Variants in BNC2 observed in about 807,000 individuals in gnomAD.
BNC2 encodes zinc finger protein basonuclin-2.
A neutral mutation model predicts 76.3 loss-of-function variants in BNC2; 20 were observed. The observed-to-expected ratio is 0.26, with a 90% CI of 0.18 to 0.38. The LOEUF (loss-of-function observed/expected upper bound fraction) is 0.38, where lower values mean the gene tolerates loss of function less well. Ranked by LOEUF, BNC2 falls within the 10% of genes least tolerant of loss-of-function variation. BNC2 has a pLI of 1.00. For synonymous variants in BNC2, 582 were observed against 514.8 expected (o/e 1.13, Z -1.77); for missense variants, 1,382 against 1,399.8 (o/e 0.99, Z 0.20).
Position 16,552,584 on chromosome 9 carries a change from T to C in BNC2, c.615A>G (p.Ile205Met), listed in dbSNP as rs1818698002. Residue 205 changes from isoleucine to methionine, a missense_variant, in exon 5 of 7, where the codon ATA becomes ATG. Ile to Met is a conservative substitution (Grantham distance 10, BLOSUM62 1). Coordinates refer to ENST00000380672, the MANE Select transcript of BNC2 (RefSeq NM_017637.6). ...GCAGAGTCCAGCCAAGGCCGTGCAG[T>C]ATGTGCAGTACCTCCTCTTGCTTCA... ...SVLKQEEVLH[I>M]LHGLGWTLRD... 1.2e-6 allele frequency: 2 copies of C among 1,614,068 alleles called. No individual in the cohort carries two copies. The highest frequency in any genetic ancestry group is 1.7e-5 in the Admixed American group (1 of 60,000).
chr9:16,857,480 T>TAAAAAAAAAA (rs60082380), intron 1 of BNC2, among the ~76,000 whole-genome samples: 3 of 75,676 alleles, frequency 4.0e-5, no homozygotes, highest in Non-Finnish European at 5.1e-5. Context: ...CTGTCTCAAA[T>TAAAAAAAAAA]AAAAAAAAAA....
chr9:16,839,767 A>C (rs186723665), intron 1 of BNC2, among the ~76,000 whole-genome samples: 47 of 152,372 alleles, frequency 3.1e-4, no homozygotes, highest in Admixed American at 2.6e-3. Context: ...CCTTACAGCC[A>C]AGAAAAACGT....
intron 5 of BNC2, among the ~76,000 whole-genome samples, chr9:16,502,386 G>C (rs1178198652): frequency 1.3e-5 from 2 of 152,032 alleles, no homozygotes; most frequent in Admixed American, 6.6e-5. Context: ...TTTGAATATA[G>C]GATTGGGTTA....
chr9:16,589,195 G>GT (rs1819854349), intron 3 of BNC2, among the ~76,000 whole-genome samples: 1 of 151,888 alleles, frequency 6.6e-6, no homozygotes, highest in African/African-American at 2.4e-5. Context: ...AAATTTTGTT[G>GT]TTTTTTTCTG....
chr9:16,540,683 G>T (rs950454394), intron 5 of BNC2, among the ~76,000 whole-genome samples: 2 of 152,102 alleles, frequency 1.3e-5, no homozygotes, highest in African/African-American at 4.8e-5. Context: ...GATTTTAAAG[G>T]AGGCTTCAGT....
At chr9:16,453,975 G>A (rs1170111849) in intron 5 of BNC2, among the ~76,000 whole-genome samples, 1 of 152,102 alleles carries the variant, frequency 6.6e-6, no homozygotes, top group Non-Finnish European at 1.5e-5. Flanking sequence ...AGCTTTCAGT[G>A]AACACACTAT....
chr9:16,559,695 T>C lies in BNC2; in HGVS notation c.434-6930A>G, dbSNP rs553206511. Reference sequence around the variant, plus strand: ...ACACCTGCCTTTCTGTGAAATCCAATAGCTTTTTTCCTTCATTATTCTCCA... The same window carrying C: ...ACACCTGCCTTTCTGTGAAATCCAACAGCTTTTTTCCTTCATTATTCTCCA... On this transcript the variant is annotated intron_variant, in intron 4 of 6. Coordinates refer to ENST00000380672, the MANE Select transcript of BNC2 (RefSeq NM_017637.6). Among the ~76,000 whole-genome samples the C allele has an allele frequency of 1.8e-4, 28 of 152,298 alleles. No individual in the cohort carries two copies. In the South Asian group the frequency reaches 3.9e-3, roughly 21 times the overall value.
intron 1 of BNC2, among the ~76,000 whole-genome samples, chr9:16,823,033 A>G (rs931930292): frequency 2.6e-5 from 4 of 152,170 alleles, no homozygotes; most frequent in African/African-American, 7.2e-5. Context: ...CCTCCACACA[A>G]TGATTGAAAC....
At chr9:16,687,428 C>T (rs1823011856) in intron 3 of BNC2, among the ~76,000 whole-genome samples, 1 of 152,094 alleles carries the variant, frequency 6.6e-6, no homozygotes. Flanking sequence ...GGGAGAAGAG[C>T]GGGGGCACTG....
chr9:16,822,048 G>A (rs1217624149), intron 1 of BNC2, among the ~76,000 whole-genome samples: 15 of 142,622 alleles, frequency 1.1e-4, no homozygotes, highest in African/African-American at 3.5e-4. Flanking sequence ...AGCCGAGATC[G>A]CGCCACTGCA....
chr9:16,837,377 G>T (rs755668057), intron 1 of BNC2, among the ~76,000 whole-genome samples: 6 of 152,188 alleles, frequency 3.9e-5, no homozygotes, highest in African/African-American at 1.4e-4. Flanking sequence ...GGTGGCAGGC[G>T]CCTGTAATCC....
intron 1 of BNC2, among the ~76,000 whole-genome samples, chr9:16,753,268 T>C (rs1391779142): frequency 2.6e-5 from 4 of 152,244 alleles, no homozygotes; most frequent in East Asian, 1.9e-4. Flanking sequence ...TAAATTTCTA[T>C]ATAAATTTGA....
chr9:16,580,119 G>C, intron 4 of BNC2: 1 of 398,546 alleles, frequency 2.5e-6, no homozygotes, highest in Non-Finnish European at 4.4e-6. Flanking sequence ...CCTCTGAGCA[G>C]AAGTCATTGG....
intron 1 of BNC2, among the ~76,000 whole-genome samples, chr9:16,782,234 G>A (rs956494306): frequency 4.6e-5 from 7 of 151,872 alleles, no homozygotes; most frequent in Admixed American, 2.6e-4. Context: ...TCAGTCAGCC[G>A]AGATTGTGCC....
At chr9:16,723,603 A>G (rs1002936445) in intron 3 of BNC2, among the ~76,000 whole-genome samples, 1 of 152,126 alleles carries the variant, frequency 6.6e-6, no homozygotes, top group Non-Finnish European at 1.5e-5. Flanking sequence ...AGGAAAATTC[A>G]TATTGAGCAC....
rs1824749525 is a variant in BNC2 at position 16,738,560 on chromosome 9, T to TTTTC, written c.4-76_4-75insGAAA. The TTTTC allele has an allele frequency of 1.9e-6, 3 of 1,549,612 alleles. No individual in the cohort carries two copies. The Admixed American group carries it at 5.4e-5, about 28-fold the overall frequency. ...TAAAAGCATTGAGTACATCAAAACT[T>TTTTC]TAAGAAATTGCAAATATAACACACC... On this transcript the variant is annotated intron_variant, in intron 1 of 6. Transcript: ENST00000380672.
At chr9:16,470,897 A>C (rs1258043093) in intron 5 of BNC2, among the ~76,000 whole-genome samples, 1 of 152,250 alleles carries the variant, frequency 6.6e-6, no homozygotes, top group Non-Finnish European at 1.5e-5. Context: ...CTGCTAGGGC[A>C]CTGCTTCGTG....
At chr9:16,835,804 C>T (rs565356976) in intron 1 of BNC2, among the ~76,000 whole-genome samples, 2 of 152,316 alleles carry the variant, frequency 1.3e-5, no homozygotes, top group South Asian at 4.1e-4. Context: ...GTTTAACTCT[C>T]TTGCCAAGAA....
intron 3 of BNC2, among the ~76,000 whole-genome samples, chr9:16,606,806 C>T (rs961221498): frequency 4.6e-5 from 7 of 152,208 alleles, no homozygotes; most frequent in African/African-American, 1.7e-4. Context: ...GATCCACTCA[C>T]CTGGGCCTCC....
Sources: allele counts gnomAD v4.1 joint callset (sites outside exome capture counted in the v4.1 genomes callset), GRCh38; gene constraint gnomAD v4.1.1; transcripts MANE v1.5; gene names NCBI Gene and HGNC (gene_info 2026-07-23, HGNC 2026-07-21).